TXK: variants seen among roughly 807,000 people sequenced by gnomAD.
TXK encodes TXK tyrosine kinase, also known as tyrosine-protein kinase TXK.
TXK carries 60 observed loss-of-function variants against 81.0 expected under a neutral mutation model. The observed-to-expected ratio is 0.74, with a 90% CI of 0.60 to 0.92. TXK has a LOEUF of 0.92. Ranked by LOEUF, TXK falls within the 40% of genes least tolerant of loss-of-function variation. TXK has a pLI of 0.00. For missense variants in TXK, 581 were observed against 638.3 expected, an observed-to-expected ratio of 0.91 and a Z score of 0.97; for synonymous variants, 203 against 210.7, an observed-to-expected ratio of 0.96 and a Z score of 0.32.
At chr4:48,078,970 G>A (rs570403109) in intron 11 of TXK, among the ~76,000 whole-genome samples, 106 of 152,352 alleles carry the variant, frequency 7.0e-4, no homozygotes, top group Non-Finnish European at 1.1e-3. Flanking sequence ...AGGGAGAATG[G>A]AAAGGAAAGG....
At chr4:48,126,298 C>T (rs1204699927) in intron 1 of TXK, among the ~76,000 whole-genome samples, 8 of 152,208 alleles carry the variant, frequency 5.3e-5, no homozygotes, top group Non-Finnish European at 8.8e-5. Context: ...TCTATTTTCT[C>T]TTCCTTATGA....
intron 8 of TXK, 81 bp downstream of exon 8, chr4:48,093,996 G>A: frequency 6.4e-7 from 1 of 1,557,486 alleles, no homozygotes; most frequent in Non-Finnish European, 8.8e-7. Context: ...ATTTGCTCCT[G>A]TTGAGTGCCT....
At chr4:48,079,606 A>G (rs1011926722) in intron 11 of TXK, among the ~76,000 whole-genome samples, 1 of 152,212 alleles carries the variant, frequency 6.6e-6, no homozygotes, top group African/African-American at 2.4e-5. Context: ...GATATGAGTA[A>G]TAATAAAACT....
chr4:48,080,034 GGC>G lies in TXK; in HGVS notation c.1049_1050del (p.Cys350SerfsTer3), dbSNP rs757186555. 3 of 1,614,050 alleles carry G rather than the reference GGC, an allele frequency of 1.9e-6. No homozygotes were observed. Among genetic ancestry groups the G allele is most frequent in the Non-Finnish European group, 2.5e-6 (3 of 1,180,002 alleles). On this transcript the variant is annotated frameshift_variant, in exon 11 of 15. Transcript: ENST00000264316. LOFTEE classifies it high-confidence loss of function. ...YIVTEFMENG[C>X]LLNYLRENKG... is the part of the protein sequence containing the mutation. ...TTATTCTCCCTGAGATAGTTAAGCA[GGC>G]AGCCATTTTCCATGAACTCTGTCAC...
At chr4:48,120,113 A>G (rs1718908602) in intron 1 of TXK, among the ~76,000 whole-genome samples, 1 of 148,828 alleles carries the variant, frequency 6.7e-6, no homozygotes, top group South Asian at 2.1e-4. Flanking sequence ...ATACGTATAC[A>G]TACACATACA....
intron 9 of TXK, among the ~76,000 whole-genome samples, chr4:48,087,426 TTTA>T (rs1402323813): frequency 4.6e-5 from 7 of 151,710 alleles, no homozygotes; most frequent in African/African-American, 1.7e-4. Context: ...TATGTTTTAT[TTTA>T]TTATTATTAT....
intron 6 of TXK, 44 bp from the exon 7 acceptor site, chr4:48,095,266 A>G: frequency 6.7e-7 from 1 of 1,492,606 alleles, no homozygotes; most frequent in Non-Finnish European, 9.3e-7. Flanking sequence ...TCCTTCTTAG[A>G]AAGACAAACC....
intron 8 of TXK, among the ~76,000 whole-genome samples, chr4:48,091,749 C>G (rs568797145): frequency 6.6e-6 from 1 of 152,284 alleles, no homozygotes; most frequent in East Asian, 1.9e-4. Context: ...AGGTGATCCA[C>G]CCACCTTGGC....
intron 10 of TXK, among the ~76,000 whole-genome samples, chr4:48,082,094 T>G (rs28716043): frequency 1.3e-3 from 192 of 152,324 alleles, no homozygotes; most frequent in African/African-American, 4.5e-3. Flanking sequence ...TGTGCCCAGA[T>G]AGTTCACAGT....
chr4:48,070,319 GT>G (rs1250181841), intron 14 of TXK, among the ~76,000 whole-genome samples: 1 of 152,162 alleles, frequency 6.6e-6, no homozygotes, highest in Non-Finnish European at 1.5e-5. Flanking sequence ...GAAAAACTAA[GT>G]TCTGGAGAGA....
chr4:48,073,196 G>C (rs2109397848), intron 13 of TXK, among the ~76,000 whole-genome samples: 1 of 151,626 alleles, frequency 6.6e-6, no homozygotes, highest in Non-Finnish European at 1.5e-5. Context: ...CAAAGTGCTG[G>C]AATTGTAGGC....
At chr4:48,108,362 T>C (rs1039998678) in intron 5 of TXK, among the ~76,000 whole-genome samples, 1 of 152,234 alleles carries the variant, frequency 6.6e-6, no homozygotes, top group South Asian at 2.1e-4. Flanking sequence ...CTAGAATGTA[T>C]TGAACATGTA....
intron 1 of TXK, among the ~76,000 whole-genome samples, chr4:48,118,561 A>G (rs1216226851): frequency 1.3e-5 from 2 of 152,216 alleles, no homozygotes; most frequent in Non-Finnish European, 2.9e-5. Flanking sequence ...AGCTTGGATC[A>G]CTTAACTATT....
intron 14 of TXK, among the ~76,000 whole-genome samples, chr4:48,069,752 T>C (rs1364020510): frequency 6.6e-6 from 1 of 152,230 alleles, no homozygotes; most frequent in Non-Finnish European, 1.5e-5. Context: ...ATCACTTCCC[T>C]TCCTCCTTCT....
intron 1 of TXK, among the ~76,000 whole-genome samples, chr4:48,117,131 G>A (rs771668230): frequency 4.6e-5 from 7 of 152,186 alleles, no homozygotes; most frequent in Non-Finnish European, 8.8e-5. Context: ...CAAGTCATCC[G>A]CCCAACCTGG....
At position 48,079,893 on chromosome 4, in the gene TXK, A is replaced by T. The variant is rs1717226470; in HGVS notation, c.1173+19T>A. ...TAGGTATGATACAAAAAAAAAAAGT[A>T]AATTTGCACCATACTTACCAAATCC... On this transcript the variant is annotated intron_variant, in intron 11 of 14. Transcript: ENST00000264316. 1.9e-6 allele frequency: 3 copies of T among 1,583,342 alleles called. No individual in the cohort carries two copies. The South Asian group carries it at 3.3e-5, about 18-fold the overall frequency.
chr4:48,118,860 C>T (rs759900595), intron 1 of TXK, among the ~76,000 whole-genome samples: 2 of 152,154 alleles, frequency 1.3e-5, no homozygotes, highest in Non-Finnish European at 2.9e-5. Flanking sequence ...CCTAGAGCTA[C>T]TTCTGATACA....
chr4:48,122,841 T>C (rs1403718828), intron 1 of TXK, among the ~76,000 whole-genome samples: 1 of 152,226 alleles, frequency 6.6e-6, no homozygotes, highest in Non-Finnish European at 1.5e-5. Context: ...CAATCCGAAG[T>C]GGTGAACAGT....
At chr4:48,110,626 A>C (rs1718604531) in intron 4 of TXK, 23 bp from the exon 5 acceptor site, 2 of 1,590,202 alleles carry the variant, frequency 1.3e-6, no homozygotes, top group East Asian at 4.5e-5. Context: ...AAAAAGCAAA[A>C]ATCAAAATGC....
Sources: allele counts gnomAD v4.1 joint callset (sites outside exome capture counted in the v4.1 genomes callset), GRCh38; gene constraint gnomAD v4.1.1; transcripts MANE v1.5; gene names NCBI Gene and HGNC (gene_info 2026-07-23, HGNC 2026-07-21).